Variants in SPECC1L observed in about 807,000 individuals in gnomAD.
SPECC1L encodes sperm antigen with calponin homology and coiled-coil domains 1 like.
In SPECC1L, 40 loss-of-function variants were observed where a neutral mutation model predicts 116.8. The ratio of observed to expected loss-of-function variants is 0.34; its 90% CI spans 0.27 to 0.45. The LOEUF is 0.45. SPECC1L is among the 20% of genes least tolerant of loss of function. The probability of loss-of-function intolerance (pLI) is 1.00; values close to 1 mark genes in which losing one functional copy is unlikely to be tolerated. For synonymous variants in SPECC1L, 504 were observed against 500.6 expected (o/e 1.01, Z -0.09); for missense variants, 1,110 against 1,373.6 (o/e 0.81, Z 3.03).
chr22:24,337,623 T>C (rs374380437), intron 9 of SPECC1L, among the ~76,000 whole-genome samples: 2 of 152,346 alleles, frequency 1.3e-5, no homozygotes, highest in African/African-American at 4.8e-5. Context: ...AAGATATCAA[T>C]TCTAAATATA....
intron 8 of SPECC1L, 65 bp downstream of exon 8, chr22:24,330,496 G>T (rs1280530081): frequency 6.4e-7 from 1 of 1,552,680 alleles, no homozygotes; most frequent in Non-Finnish European, 8.9e-7. Context: ...CCCAATTTTT[G>T]ATGTGGTGCT....
intron 13 of SPECC1L, among the ~76,000 whole-genome samples, chr22:24,366,182 C>A (rs1208199128): frequency 7.3e-6 from 1 of 137,246 alleles, no homozygotes; most frequent in Non-Finnish European, 1.5e-5. Flanking sequence ...CAGGGGATGG[C>A]AAAGTGATGG....
intron 8 of SPECC1L, 33 bp from the exon 9 acceptor site, chr22:24,334,373 CTATG>C: frequency 6.2e-7 from 1 of 1,607,762 alleles, no homozygotes; most frequent in Non-Finnish European, 8.5e-7. Flanking sequence ...GTTCTAGTAC[CTATG>C]TAAAAATGCT....
intron 6 of SPECC1L, among the ~76,000 whole-genome samples, chr22:24,326,965 T>A (rs1305214466): frequency 6.6e-6 from 1 of 152,146 alleles, no homozygotes; most frequent in East Asian, 1.9e-4. Flanking sequence ...GTTGTTAAAG[T>A]GAATTCATGC....
chr22:24,356,437 C>T (rs2041535160), intron 11 of SPECC1L, among the ~76,000 whole-genome samples: 1 of 152,036 alleles, frequency 6.6e-6, no homozygotes, highest in South Asian at 2.1e-4. Flanking sequence ...TTTTAAATCT[C>T]TGATAATGTC....
chr22:24,362,187 C>T (rs963760235), intron 11 of SPECC1L, among the ~76,000 whole-genome samples: 1 of 152,122 alleles, frequency 6.6e-6, no homozygotes, highest in African/African-American at 2.4e-5. Flanking sequence ...CGGGCTGTAG[C>T]CCTAGGTAAG....
rs1373035183 is a variant in SPECC1L, at chr22:24,278,513, C to A, written c.-38+1710C>A. On this transcript the variant is annotated intron_variant, in intron 2 of 16. Transcript: ENST00000314328. ...AGTAATATTGCATAATATAAATATA[C>A]CATTCATTCATCAAAGTTAGCAGAT... Among the ~76,000 whole-genome samples the A allele has an allele frequency of 3.3e-5, 5 of 152,058 alleles. No homozygotes were observed. In the South Asian group the frequency reaches 1.0e-3, roughly 32 times the overall value.
intron 14 of SPECC1L, among the ~76,000 whole-genome samples, chr22:24,395,222 C>T (rs1444262234): frequency 7.2e-5 from 11 of 152,138 alleles, no homozygotes; most frequent in Admixed American, 7.2e-4. Context: ...GTTTGCATAA[C>T]CCAAGATCAC....
Position 24,410,756 on chromosome 22 carries a change from G to A in SPECC1L, c.3088-832G>A, listed in dbSNP as rs553576347. Among the ~76,000 whole-genome samples, 26 of 152,282 alleles carry A rather than the reference G, an allele frequency of 1.7e-4. 1 individual carries two copies. In the South Asian group the frequency reaches 5.4e-3, roughly 32 times the overall value. On this transcript the variant is annotated intron_variant, in intron 14 of 16. Coordinates refer to ENST00000314328, the MANE Select transcript of SPECC1L (RefSeq NM_015330.6). ...GGCTTCTCACCATCCATCAGAGCAG[G>A]TGTCATTACAGTGAAAAGGGCAGAA...
chr22:24,383,087 AG>A, intron 14 of SPECC1L, among the ~76,000 whole-genome samples: 1 of 152,312 alleles, frequency 6.6e-6, no homozygotes, highest in South Asian at 2.1e-4. Flanking sequence ...GGAATGACAA[AG>A]GGAAATATTC....
chr22:24,399,544 C>G (rs1015387886), intron 14 of SPECC1L, among the ~76,000 whole-genome samples: 2 of 151,824 alleles, frequency 1.3e-5, no homozygotes, highest in African/African-American at 2.4e-5. Flanking sequence ...GCACTCCAGC[C>G]TGGGCGACAA....
rs550030195 is a variant in SPECC1L at position 24,349,759 on chromosome 22, T to C, written c.2743+2583T>C. Among the ~76,000 whole-genome samples, 33 of 152,352 alleles carry C rather than the reference T, an allele frequency of 2.2e-4. No homozygotes were observed. In the South Asian group the frequency reaches 2.3e-3, roughly 11 times the overall value. The stretch of plus-strand genomic sequence containing the variant: ...TCCCATTGACTCTACTTTCAAAATA[T>C]GTCCAGAATAAGAGCATTGCTCTTT... On this transcript the variant is annotated intron_variant, in intron 11 of 16. Transcript: ENST00000314328.
chr22:24,350,340 G>C (rs2041396526), intron 11 of SPECC1L, among the ~76,000 whole-genome samples: 1 of 151,962 alleles, frequency 6.6e-6, no homozygotes, highest in Admixed American at 6.6e-5. Flanking sequence ...AGGCAAGATT[G>C]GTGTCTGTTT....
chr22:24,378,098 A>G (rs1214189554), intron 14 of SPECC1L, among the ~76,000 whole-genome samples: 1 of 152,204 alleles, frequency 6.6e-6, no homozygotes, highest in Non-Finnish European at 1.5e-5. Flanking sequence ...TAGTGTGGCC[A>G]CCTTCATCAG....
Position 24,273,425 on chromosome 22 carries a change from TTAAAA to T in SPECC1L, c.-142+2447_-142+2451del, listed in dbSNP as rs1481619291. 1.4e-4 allele frequency among the ~76,000 whole-genome samples: 22 copies of T among 152,334 alleles called. No individual in the cohort carries two copies. In the East Asian group the frequency reaches 1.5e-3, roughly 11 times the overall value. ...TTAAAAAAGTTCTGCTTTCTTGGTGTTAAAATAAAGCATCTTTTATGAAATGATGG... is the reference window on the plus strand; with the variant it reads ...TTAAAAAAGTTCTGCTTTCTTGGTGTTAAAGCATCTTTTATGAAATGATGG... On this transcript the variant is annotated intron_variant, in intron 1 of 16. Transcript: ENST00000314328.
intron 2 of SPECC1L, among the ~76,000 whole-genome samples, chr22:24,285,207 T>C (rs1250537285): frequency 6.6e-6 from 1 of 152,138 alleles, no homozygotes; most frequent in Non-Finnish European, 1.5e-5. Context: ...TGTCTACTAG[T>C]ACTGTGACAA....
intron 11 of SPECC1L, among the ~76,000 whole-genome samples, chr22:24,352,996 A>G (rs1019904175): frequency 1.3e-5 from 2 of 152,202 alleles, no homozygotes; most frequent in Admixed American, 6.5e-5. Flanking sequence ...TTCAGCATGC[A>G]TATCAGTATT....
chr22:24,314,618 G>GAAC (rs2040525572), intron 4 of SPECC1L, among the ~76,000 whole-genome samples: 1 of 152,116 alleles, frequency 6.6e-6, no homozygotes, highest in Non-Finnish European at 1.5e-5. Flanking sequence ...GTGGAAGCTG[G>GAAC]TCATATGACC....
chr22:24,389,778 A>AT (rs2042230576), intron 14 of SPECC1L, among the ~76,000 whole-genome samples: 1 of 152,156 alleles, frequency 6.6e-6, no homozygotes, highest in Non-Finnish European at 1.5e-5. Context: ...TAGGAGACAA[A>AT]TAGGAGAAAA....
Sources: gnomAD v4.1 joint callset for allele counts (sites outside exome capture counted in the v4.1 genomes callset) on GRCh38, gnomAD v4.1.1 for gene constraint, MANE v1.5 for transcripts, NCBI Gene and HGNC (gene_info 2026-07-23, HGNC 2026-07-21) for gene names.